DMTF1: variants seen among roughly 807,000 people sequenced by gnomAD.
DMTF1 encodes cyclin-D-binding Myb-like transcription factor 1.
A neutral mutation model predicts 91.1 loss-of-function variants in DMTF1; 39 were observed. That is an observed-to-expected ratio of 0.43 (90% CI 0.33 to 0.56). The LOEUF is 0.56. Ranked by LOEUF, DMTF1 falls within the 20% of genes least tolerant of loss-of-function variation. The pLI is 0.05. For missense variants in DMTF1, 750 were observed against 914.5 expected (o/e 0.82, Z 2.32); for synonymous variants, 338 against 309.5 (o/e 1.09, Z -0.97).
At chr7:87,164,075 A>T (rs1793194616) in intron 2 of DMTF1, among the ~76,000 whole-genome samples, 1 of 151,456 alleles carries the variant, frequency 6.6e-6, no homozygotes, top group South Asian at 2.1e-4. Context: ...AAAAAAAAAA[A>T]AAAGCTTAAT....
At chr7:87,152,589 C>T (rs1789401164) in intron 1 of DMTF1, 34 bp downstream of exon 1, 1 of 152,766 alleles carries the variant, frequency 6.5e-6, no homozygotes, top group Admixed American at 6.5e-5. Flanking sequence ...TTCCAACCGC[C>T]GCCAGGGCCG....
Position 87,194,842 on chromosome 7 carries a change from ATACT to A in DMTF1, c.2173+19_2173+22del, listed in dbSNP as rs769769878. On this transcript the variant is annotated intron_variant, in intron 17 of 17. Transcript: ENST00000331242. Reference sequence around the variant, plus strand: ...CAACACTAACAGGTACTGTAATATAATACTTACTATGTGCCTGATAAATTTTAGA... The same window carrying A: ...CAACACTAACAGGTACTGTAATATAATACTATGTGCCTGATAAATTTTAGA... The A allele has an allele frequency of 2.2e-5, 35 of 1,593,590 alleles. No homozygotes were observed. The highest frequency in any genetic ancestry group is 4.1e-5 in the African/African-American group (3 of 73,934).
rs779975010 is a variant in DMTF1, at chr7:87,190,953, G to C, written c.1420G>C (p.Asp474His). Residue 474 changes from aspartate (D) to histidine (H), a missense_variant, in exon 14 of 18, where the codon GAC (aspartate) becomes CAC (histidine). By Grantham distance (81) the Asp-to-His change is moderately conservative. Around this residue, in one of 3 missense-constraint regions of DMTF1, gnomAD observed 410 missense variants for 420.2 expected, o/e 0.98. Transcript: ENST00000331242. ...PVQITHVSSA[D>H]SPATVDSETI... ...CCTTATTCTTACCACAGCTTCAGCA[G>C]ACTCTCCTGCTACCGTTGACTCAGA... 2 of 1,608,686 alleles carry C rather than the reference G, an allele frequency of 1.2e-6. No individual in the cohort carries two copies. Among genetic ancestry groups the C allele is most frequent in the South Asian group, 2.2e-5 (2 of 90,234 alleles).
intron 10 of DMTF1, among the ~76,000 whole-genome samples, chr7:87,183,164 G>T (rs1018243950): frequency 6.6e-6 from 1 of 152,170 alleles, no homozygotes; most frequent in South Asian, 2.1e-4. Context: ...CTCTAAAAAT[G>T]AAATCAGAAT....
intron 8 of DMTF1, among the ~76,000 whole-genome samples, chr7:87,180,102 C>T (rs1797017257): frequency 6.6e-6 from 1 of 152,114 alleles, no homozygotes; most frequent in African/African-American, 2.4e-5. Context: ...TGGAAAAGAA[C>T]TACATTTCTG....
rs1801011165 is a variant in DMTF1 at position 87,195,220 on chromosome 7, C to T, written c.*80C>T. On this transcript the variant is annotated 3_prime_UTR_variant, in exon 18 of 18. Transcript: ENST00000331242. ...CCTCTTCAAAGAAATAGGAGCAACCCCCAAGAGGCTTAATTTACCAATTTA... is the reference window on the plus strand; with the variant it reads ...CCTCTTCAAAGAAATAGGAGCAACCTCCAAGAGGCTTAATTTACCAATTTA... 1.0e-6 allele frequency: 1 copy of T among 967,224 alleles called. No homozygotes were observed. Among genetic ancestry groups the T allele is most frequent in the African/African-American group, 1.7e-5 (1 of 60,352 alleles). 59.9% of individuals were successfully genotyped at this position (967,224 alleles called of 1,614,324 possible). A position where few individuals can be genotyped will look rare whatever the true frequency, so the allele number is the denominator to read the frequency against.
intron 4 of DMTF1, among the ~76,000 whole-genome samples, chr7:87,169,924 G>A (rs1023517476): frequency 6.6e-6 from 1 of 152,102 alleles, no homozygotes; most frequent in African/African-American, 2.4e-5. Context: ...CTCAACTCAA[G>A]GTTTTAAATA....
chr7:87,163,455 T>C (rs964756412), intron 1 of DMTF1, 40 bp from the exon 2 acceptor site: 27 of 152,272 alleles, frequency 1.8e-4, no homozygotes, highest in African/African-American at 6.3e-4. Context: ...TCGTTTGTTC[T>C]TATTAAGCCT....
At chr7:87,162,233 C>CTGGCTAATTT (rs1405960298) in intron 1 of DMTF1, among the ~76,000 whole-genome samples, 1 of 152,100 alleles carries the variant, frequency 6.6e-6, no homozygotes. Flanking sequence ...ACCACCACAC[C>CTGGCTAATTT]TGGCTAATTT....
intron 1 of DMTF1, chr7:87,155,594 A>AT: frequency 6.6e-6 from 1 of 152,166 alleles, no homozygotes; most frequent in East Asian, 1.9e-4. Flanking sequence ...CTTTCATGTC[A>AT]TTTCTCCGTT....
intron 14 of DMTF1, among the ~76,000 whole-genome samples, chr7:87,191,829 C>T (rs1292069690): frequency 6.6e-6 from 1 of 152,018 alleles, no homozygotes; most frequent in Non-Finnish European, 1.5e-5. Context: ...ACAAGTAAAC[C>T]TATAATTCAT....
intron 11 of DMTF1, 23 bp from the exon 12 acceptor site, chr7:87,185,806 C>CG: frequency 6.2e-7 from 1 of 1,612,904 alleles, no homozygotes; most frequent in Non-Finnish European, 8.5e-7. Flanking sequence ...TAATGTCTAA[C>CG]GATGCTTATT....
chr7:87,178,065 TGGG>T (rs1003450052), intron 7 of DMTF1, among the ~76,000 whole-genome samples: 1 of 152,070 alleles, frequency 6.6e-6, no homozygotes, highest in African/African-American at 2.4e-5. Context: ...TACATCAACT[TGGG>T]GGGAATTAAT....
chr7:87,194,891 A>T, intron 17 of DMTF1, 63 bp downstream of exon 17: 1 of 1,527,106 alleles, frequency 6.5e-7, no homozygotes, highest in South Asian at 1.2e-5. Flanking sequence ...ACAGACATTT[A>T]ATTAACTTGT....
intron 1 of DMTF1, among the ~76,000 whole-genome samples, chr7:87,161,394 C>G (rs1211982367): frequency 6.6e-6 from 1 of 152,130 alleles, no homozygotes; most frequent in Non-Finnish European, 1.5e-5. Context: ...CCCAGCTACT[C>G]AGGAGGCTGA....
chr7:87,194,767 C>CT lies in DMTF1; in HGVS notation c.2115dup (p.Ile706TyrfsTer5). On this transcript the variant is annotated frameshift_variant, in exon 17 of 18. Coordinates refer to ENST00000331242, the MANE Select transcript of DMTF1 (RefSeq NM_001142327.2). LOFTEE classifies it high-confidence loss of function. ...TACTTATCGTTCCTTCACCACATGG[C>CT]TTTATCCAGGCATCTGATGTTATAG... The CT allele has an allele frequency of 6.2e-7, 1 of 1,612,028 alleles. No homozygotes were observed. Among genetic ancestry groups the CT allele is most frequent in the Non-Finnish European group, 8.5e-7 (1 of 1,178,760 alleles).
chr7:87,154,472 G>A (rs1437914643), intron 1 of DMTF1: 2 of 152,658 alleles, frequency 1.3e-5, no homozygotes, highest in Non-Finnish European at 2.9e-5. Flanking sequence ...ATTGGTTGCA[G>A]TTGAGCTAAT....
intron 7 of DMTF1, 50 bp from the exon 8 acceptor site, chr7:87,179,495 A>G (rs1202296105): frequency 9.8e-6 from 14 of 1,424,772 alleles, no homozygotes; most frequent in African/African-American, 4.5e-5. Flanking sequence ...TAGTATATCC[A>G]TATGCATTTT....
At chr7:87,165,468 TTTG>T (rs1022745102) in intron 3 of DMTF1, among the ~76,000 whole-genome samples, 3 of 152,046 alleles carry the variant, frequency 2.0e-5, no homozygotes, top group Admixed American at 6.5e-5. Flanking sequence ...AGCTGATAAT[TTTG>T]TTGTTACTCC....
Sources: gnomAD v4.1 joint callset for allele counts (sites outside exome capture counted in the v4.1 genomes callset) on GRCh38, gnomAD v4.1.1 for gene constraint, gnomAD v4.1.1 regional missense constraint, MANE v1.5 for transcripts, NCBI Gene and HGNC (gene_info 2026-07-23, HGNC 2026-07-21) for gene names.